Variants in KARS1 observed in about 807,000 individuals in gnomAD.
KARS1 encodes the protein lysine--tRNA ligase.
A neutral mutation model predicts 63.9 loss-of-function variants in KARS1; 50 were observed. The observed-to-expected ratio is 0.78, with a 90% CI of 0.62 to 0.99. The LOEUF is 0.99. KARS1 is among the 50% of genes least tolerant of loss of function. KARS1 has a pLI of 0.00. For missense variants in KARS1, 816 were observed against 754.5 expected, an observed-to-expected ratio of 1.08 and a Z score of -0.95; for synonymous variants, 320 against 264.6, an observed-to-expected ratio of 1.21 and a Z score of -2.03.
intron 11 of KARS1, 27 bp downstream of exon 11, chr16:75,630,396 T>G: frequency 7.2e-7 from 1 of 1,393,836 alleles, no homozygotes; most frequent in South Asian, 1.2e-5. Flanking sequence ...GGGGCTGTTA[T>G]GCAGCAATAG....
At chr16:75,644,348 C>T (rs749583336) in intron 1 of KARS1, 1 of 1,611,218 alleles carries the variant, frequency 6.2e-7, no homozygotes, top group Non-Finnish European at 8.5e-7. Context: ...GACCCAGTCG[C>T]AGTTCCCTGT....
In KARS1 at chr16:75,628,717, A is replaced by G. The variant is rs745740229; in HGVS notation, c.1552-5T>C. The G allele has an allele frequency of 6.2e-7, 1 of 1,614,184 alleles. No homozygotes were observed. The highest frequency in any genetic ancestry group is 1.7e-5 in the Admixed American group (1 of 60,018). Reference sequence around the variant, plus strand: ...ATCATCACCTGCAGCCTTGGCCTAGAAGAGGAAAGAGAACCAAAAGGTGAC... The same window carrying G: ...ATCATCACCTGCAGCCTTGGCCTAGGAGAGGAAAGAGAACCAAAAGGTGAC... On this transcript the variant is annotated splice_region_variant and splice_polypyrimidine_tract_variant and intron_variant, in intron 12 of 13. Coordinates refer to ENST00000302445, the MANE Select transcript of KARS1 (RefSeq NM_005548.3).
In KARS1 at chr16:75,641,688, A is replaced by G; in HGVS notation, c.98T>C (p.Val33Ala). 6.2e-7 allele frequency: 1 copy of G among 1,613,966 alleles called. No individual in the cohort carries two copies. The part of the protein sequence containing the change: ...LKRRLKAEKK[V>A]AEKEAKQKEL... ...TTTCTGTTTGGCCTCCTTCTCTGCT[A>G]CTTTCTTCTCAGCTTTCAGGCGTCT... The change falls in exon 2 of 14, where the codon GTA becomes GCA. Residue 33 changes from valine to alanine, a missense_variant. Coordinates refer to ENST00000302445, the MANE Select transcript of KARS1 (RefSeq NM_005548.3).
rs370077957 is a variant in KARS1 at position 75,640,354 on chromosome 16, TAA to T, written c.223-7_223-6del. On this transcript the variant is annotated splice_polypyrimidine_tract_variant and splice_region_variant and intron_variant, in intron 2 of 13. Coordinates refer to ENST00000302445, the MANE Select transcript of KARS1 (RefSeq NM_005548.3). ...ACTGCGGATTTTGTAGTATTGCTGT[TAA>T]AAAAAAAAAAAAAAAAGCCCTTCAG... 53,670 of 1,434,092 alleles carry T rather than the reference TAA, an allele frequency of 0.037. No homozygotes were observed. Among genetic ancestry groups the T allele is most frequent in the Admixed American group, 0.039 (1,976 of 50,578 alleles). The allele number at this position is 1,434,092 out of a possible 1,614,324, so 88.8% of individuals were successfully genotyped here. A position where few individuals can be genotyped will look rare whatever the true frequency, so the allele number is the denominator to read the frequency against.
At chr16:75,639,385 A>G (rs2082197763) in intron 3 of KARS1, among the ~76,000 whole-genome samples, 2 of 151,606 alleles carry the variant, frequency 1.3e-5, no homozygotes. Flanking sequence ...CAGCCTGGTC[A>G]ATATGGCGAA....
intron 9 of KARS1, 67 bp downstream of exon 9, chr16:75,631,349 C>A: frequency 6.3e-7 from 1 of 1,579,532 alleles, no homozygotes; most frequent in Admixed American, 1.7e-5. Context: ...TAGCTCTGAC[C>A]CAATCAAATT....
At chr16:75,642,036 G>T (rs1180833941) in intron 1 of KARS1, among the ~76,000 whole-genome samples, 7 of 152,006 alleles carry the variant, frequency 4.6e-5, no homozygotes, top group African/African-American at 1.7e-4. Context: ...AAAATCCTAT[G>T]CATTAGTTTT....
intron 1 of KARS1, 58 bp downstream of exon 1, chr16:75,647,520 G>C (rs889162558): frequency 3.9e-6 from 6 of 1,525,012 alleles, no homozygotes; most frequent in Admixed American, 3.5e-5. Context: ...ACCTCGCGGC[G>C]CTTCCCAGCC....
At chr16:75,633,883 A>T in intron 7 of KARS1, 1 of 384,302 alleles carries the variant, frequency 2.6e-6, no homozygotes, top group Non-Finnish European at 5.0e-6. Flanking sequence ...CTTAAATCAG[A>T]TCTAATCCAC....
At chr16:75,644,261 A>T in intron 1 of KARS1, 9 of 1,580,840 alleles carry the variant, frequency 5.7e-6, no homozygotes, top group Non-Finnish European at 7.7e-6. Flanking sequence ...CCAGAGCAAT[A>T]AAGAAGGTAA....
Position 75,635,909 on chromosome 16 carries a change from T to C in KARS1, c.669+3A>G, listed in dbSNP as rs1567501200. ...CCACAGCTAGGAGGCCAAGAACGCT[T>C]ACCTTGTCTTTGAGGCCAAAGTGAA... is the stretch of plus-strand genomic sequence containing the variant. On this transcript the variant is annotated splice_donor_region_variant and intron_variant, in intron 5 of 13. Coordinates refer to ENST00000302445, the MANE Select transcript of KARS1 (RefSeq NM_005548.3). The C allele has an allele frequency of 2.5e-6, 4 of 1,614,154 alleles. No individual in the cohort carries two copies. The highest frequency in any genetic ancestry group is 2.2e-5 in the East Asian group (1 of 44,888).
intron 3 of KARS1, chr16:75,639,948 G>T: frequency 1.8e-6 from 1 of 551,106 alleles, no homozygotes; most frequent in South Asian, 2.2e-5. Flanking sequence ...GCTGATGAAG[G>T]GAATCCTTAT....
At chr16:75,634,510 C>G (rs979100397) in intron 6 of KARS1, among the ~76,000 whole-genome samples, 1 of 152,198 alleles carries the variant, frequency 6.6e-6, no homozygotes, top group African/African-American at 2.4e-5. Flanking sequence ...TATAGTACCA[C>G]GAACTTTCAC....
intron 7 of KARS1, 95 bp downstream of exon 7, chr16:75,634,074 ACTCT>A (rs933914367): frequency 2.3e-6 from 3 of 1,323,248 alleles, no homozygotes; most frequent in Non-Finnish European, 3.2e-6. Context: ...TGGCTGCTTT[ACTCT>A]CTCTGTTCCT....
In KARS1 at chr16:75,630,418, C is replaced by G; in HGVS notation, c.1424+5G>C. 6.4e-7 allele frequency: 1 copy of G among 1,560,588 alleles called. No individual in the cohort carries two copies. Among genetic ancestry groups the G allele is most frequent in the Non-Finnish European group, 8.8e-7 (1 of 1,133,680 alleles). ...TTATGCAGCAATAGGTAACTGGAAT[C>G]TTACCATTTAGCCAAAGGGCTCATT... On this transcript the variant is annotated splice_donor_5th_base_variant and intron_variant, in intron 11 of 13. Transcript: ENST00000302445.
At chr16:75,644,328 G>A (rs1222531590) in intron 1 of KARS1, 1 of 1,608,920 alleles carries the variant, frequency 6.2e-7, no homozygotes, top group Non-Finnish European at 8.5e-7. Context: ...CGCTGTGAAA[G>A]GAGCAAGTTG....
chr16:75,644,376 G>A lies in KARS1; in HGVS notation c.63-2653C>T, dbSNP rs534898558. ...TTCCCTGTGACCCCACTCTGCCCAG[G>A]AGGTTTTGCGCAGGGACCCCCTAAC... On this transcript the variant is annotated intron_variant, in intron 1 of 13. Coordinates refer to ENST00000302445, the MANE Select transcript of KARS1 (RefSeq NM_005548.3). 3.0e-4 allele frequency: 488 copies of A among 1,612,606 alleles called. 10 individuals carry two copies. The South Asian group carries it at 5.1e-3, about 17-fold the overall frequency.
chr16:75,645,277 C>T (rs1308432358), intron 1 of KARS1, among the ~76,000 whole-genome samples: 1 of 152,214 alleles, frequency 6.6e-6, no homozygotes, highest in Non-Finnish European at 1.5e-5. Context: ...GTGAGTAGTG[C>T]TGTGCAGTCA....
rs549959474 is a variant in KARS1, at chr16:75,627,985, A to G, written c.1704T>C (p.Leu568=). 2 of 1,591,494 alleles carry G rather than the reference A, an allele frequency of 1.3e-6. No homozygotes were observed. The highest frequency in any genetic ancestry group is 4.5e-5 in the East Asian group (2 of 44,800). The change falls in exon 14 of 14, where the codon CTT becomes CTC. Residue 568 remains leucine, a synonymous_variant. Coordinates refer to ENST00000302445, the MANE Select transcript of KARS1 (RefSeq NM_005548.3). Reference sequence around the variant, plus strand: ...CTTCGGGTTTCATGGCAGGAAACAGAAGTACTTCCTGTGGGAGATAAGAAT... The same window carrying G: ...CTTCGGGTTTCATGGCAGGAAACAGGAGTACTTCCTGTGGGAGATAAGAAT... ...LTDSNNIKEV[L]LFPAMKPEDK... is the part of the protein sequence containing the mutation.
Sources: gnomAD v4.1 joint callset for allele counts (sites outside exome capture counted in the v4.1 genomes callset) on GRCh38, gnomAD v4.1.1 for gene constraint, MANE v1.5 for transcripts, NCBI Gene and HGNC (gene_info 2026-07-23, HGNC 2026-07-21) for gene names.